Variants in ANKMY1 observed in about 807,000 individuals in gnomAD.
The protein encoded by ANKMY1 is ankyrin repeat and MYND domain containing 1.
A neutral mutation model predicts 102.0 loss-of-function variants in ANKMY1; 98 were observed. That is an observed-to-expected ratio of 0.96 (90% CI 0.82 to 1.14). The LOEUF (loss-of-function observed/expected upper bound fraction) is 1.14. Among genes scored for constraint, ANKMY1 ranks in the 50% most tolerant of loss-of-function variants. ANKMY1 has a pLI of 0.00. For synonymous variants in ANKMY1, 582 were observed against 559.9 expected (o/e 1.04, Z -0.56); for missense variants, 1,330 against 1,347.6 (o/e 0.99, Z 0.20).
intron 9 of ANKMY1, among the ~76,000 whole-genome samples, chr2:240,515,169 TG>T (rs1472946118): frequency 6.6e-6 from 1 of 152,190 alleles, no homozygotes; most frequent in African/African-American, 2.4e-5. Flanking sequence ...CAAAAGTACG[TG>T]GTTACAAGGC....
At chr2:240,557,789 C>T (rs1575408613) in intron 1 of ANKMY1, 92 bp downstream of exon 1, 2 of 856,208 alleles carry the variant, frequency 2.3e-6, no homozygotes, top group Non-Finnish European at 1.4e-6. Flanking sequence ...GGGTGGGGAC[C>T]GCGAGCCTGG....
At chr2:240,521,090 G>A (rs1305262279) in intron 8 of ANKMY1, among the ~76,000 whole-genome samples, 8 of 152,134 alleles carry the variant, frequency 5.3e-5, no homozygotes, top group Non-Finnish European at 1.2e-4. Context: ...GAGAGGCTGG[G>A]ACCAGGTGGG....
In ANKMY1 at chr2:240,529,507, C is replaced by T. The variant is rs1281458262; in HGVS notation, c.483G>A (p.Gly161=). 3.7e-6 allele frequency: 6 copies of T among 1,608,944 alleles called. No individual in the cohort carries two copies. The highest frequency in any genetic ancestry group is 1.1e-5 in the South Asian group (1 of 90,664). The change falls in exon 5 of 18, where the codon GGG becomes GGA. Residue 161 remains glycine (G), a splice_region_variant and synonymous_variant. Coordinates refer to ENST00000401804, the MANE Select transcript of ANKMY1 (RefSeq NM_001282771.3). This position sits in a 1 kb window ranked among gnomAD's most constrained non-coding sequence, Gnocchi z 4.2. ...TMYMKTRLFQ[G]LYKADQRFGP... is the part of the protein sequence containing the mutation. ...CAAACCGCTGGTCCGCTTTGTATAG[C>T]CCCTGCCAAGGAAGCGCAATAGACC... is the stretch of plus-strand genomic sequence containing the variant.
chr2:240,559,453 T>A (rs2092749440), upstream of ANKMY1, among the ~76,000 whole-genome samples: 1 of 152,186 alleles, frequency 6.6e-6, no homozygotes, highest in Admixed American at 6.5e-5. Context: ...GCTCTCTCCT[T>A]CATGGGTTAT....
chr2:240,495,731 ATCTTTTTG>A (rs1424067284), intron 15 of ANKMY1, among the ~76,000 whole-genome samples: 4 of 152,038 alleles, frequency 2.6e-5, no homozygotes, highest in African/African-American at 9.7e-5. Context: ...GCTGTCTTTT[ATCTTTTTG>A]TCTTGTGTCT....
rs1197658211 is a variant in ANKMY1 at position 240,500,508 on chromosome 2, C to G, written c.2584G>C (p.Gly862Arg). The G allele has an allele frequency of 6.2e-7, 1 of 1,614,152 alleles. No individual in the cohort carries two copies. The highest frequency in any genetic ancestry group is 8.5e-7 in the Non-Finnish European group (1 of 1,180,000). ...GCTGTGCCCACTGCCTCCTTTTCTC[C>G]CTGCCTGAGCATTACAGGCTTCAGG... ...DILKPVMLRQ[G>R]EKEAVGTAVD... The change falls in exon 14 of 18, where the codon GGA becomes CGA. Residue 862 changes from glycine to arginine, a missense_variant. Gly to Arg is a moderately radical substitution (Grantham distance 125). Transcript: ENST00000401804.
chr2:240,508,314 C>T (rs1275200690), intron 12 of ANKMY1, among the ~76,000 whole-genome samples: 2 of 152,280 alleles, frequency 1.3e-5, no homozygotes, highest in South Asian at 2.1e-4. Context: ...CTGCCTCTAA[C>T]AGGGCCTAGC....
At chr2:240,526,836 C>T (rs1010756767) in intron 5 of ANKMY1, 5 of 1,181,392 alleles carry the variant, frequency 4.2e-6, no homozygotes, top group Non-Finnish European at 5.3e-6. Context: ...ACCCACATTC[C>T]ACCCTCTGCT....
intron 9 of ANKMY1, among the ~76,000 whole-genome samples, chr2:240,514,900 TG>T (rs2080904959): frequency 6.6e-6 from 1 of 152,140 alleles, no homozygotes; most frequent in African/African-American, 2.4e-5. Context: ...GGGTTACCAG[TG>T]GATGGGCATG....
upstream of ANKMY1, chr2:240,560,806 C>T (rs1189324201): frequency 6.9e-7 from 1 of 1,441,922 alleles, no homozygotes; most frequent in Non-Finnish European, 9.0e-7. Flanking sequence ...GAGCAGCTGG[C>T]GCGCGCGGGA....
chr2:240,474,691 C>A (rs143858168), downstream of ANKMY1, among the ~76,000 whole-genome samples: 1 of 152,230 alleles, frequency 6.6e-6, no homozygotes, highest in East Asian at 1.9e-4. Flanking sequence ...TCTGTTCCTG[C>A]GTTAGTTTGC....
chr2:240,522,016 G>A (rs2082389049), intron 8 of ANKMY1: 1 of 152,228 alleles, frequency 6.6e-6, no homozygotes, highest in African/African-American at 2.4e-5. Flanking sequence ...GCAGGTTGTC[G>A]CTGCAGGCTG....
chr2:240,518,582 C>T (rs1456540658), intron 9 of ANKMY1, among the ~76,000 whole-genome samples: 2 of 152,156 alleles, frequency 1.3e-5, no homozygotes, highest in Admixed American at 6.5e-5. Flanking sequence ...GGATCTAGAC[C>T]GAACCCCTGG....
chr2:240,509,483 G>C (rs567941473), intron 11 of ANKMY1, 28 bp from the exon 12 acceptor site: 1 of 1,523,132 alleles, frequency 6.6e-7, no homozygotes, highest in East Asian at 2.3e-5. Flanking sequence ...ACAGGTTAGA[G>C]AGGCACCCCC....
At chr2:240,550,772 T>G (rs2091375823) in intron 4 of ANKMY1, among the ~76,000 whole-genome samples, 1 of 152,192 alleles carries the variant, frequency 6.6e-6, no homozygotes, top group Non-Finnish European at 1.5e-5. Flanking sequence ...TAAATATATG[T>G]TGTCAACAAT....
chr2:240,473,476 A>G, the ANKMY1 span, among the ~76,000 whole-genome samples: 1 of 80,872 alleles, frequency 1.2e-5, no homozygotes, highest in South Asian at 3.7e-4. Flanking sequence ...TAACCAATTA[A>G]CCAAAAAAAA....
At chr2:240,532,263 G>A (rs1259550758) in intron 4 of ANKMY1, 1 of 330,030 alleles carries the variant, frequency 3.0e-6, no homozygotes, top group Admixed American at 4.6e-5. Context: ...CAATGGAGTA[G>A]AATCTTCACT....
At chr2:240,504,158 C>T (rs2078674910) in intron 13 of ANKMY1, among the ~76,000 whole-genome samples, 2 of 152,212 alleles carry the variant, frequency 1.3e-5, no homozygotes, top group Non-Finnish European at 2.9e-5. Context: ...AACAGCAAGA[C>T]GTGGTGGGAG....
chr2:240,493,300 C>T lies in ANKMY1; in HGVS notation c.2806+6658G>A, dbSNP rs577559899. 1.1e-4 allele frequency among the ~76,000 whole-genome samples: 16 copies of T among 152,234 alleles called. 1 individual carries two copies. The highest frequency in any genetic ancestry group is 3.6e-4 in the African/African-American group (15 of 41,552). On this transcript the variant is annotated intron_variant, in intron 15 of 17. Coordinates refer to ENST00000401804, the MANE Select transcript of ANKMY1 (RefSeq NM_001282771.3). ...TGAGATTGTGCCACTGTACTCCAGC[C>T]TGGGTGACAGAGTGAGACTCCATCT...
Sources: gnomAD v4.1 joint callset for allele counts (sites outside exome capture counted in the v4.1 genomes callset) on GRCh38, gnomAD v4.1.1 for gene constraint, Gnocchi (gnomAD v3.1) non-coding constraint, MANE v1.5 for transcripts, NCBI Gene and HGNC (gene_info 2026-07-23, HGNC 2026-07-21) for gene names.